Variants in RALGPS2 observed in about 807,000 individuals in gnomAD.
RALGPS2 encodes the protein ras-specific guanine nucleotide-releasing factor RalGPS2.
RALGPS2 carries 43 observed loss-of-function variants against 86.8 expected under a neutral mutation model. The ratio of observed to expected loss-of-function variants is 0.50; its 90% CI spans 0.39 to 0.64. The LOEUF (loss-of-function observed/expected upper bound fraction) is 0.64. Ranked by LOEUF, RALGPS2 falls within the 30% of genes least tolerant of loss-of-function variation. The probability of loss-of-function intolerance (pLI) is 0.00; values close to 1 mark genes in which losing one functional copy is unlikely to be tolerated. For synonymous variants in RALGPS2, 243 were observed against 231.3 expected (o/e 1.05, Z -0.46); for missense variants, 536 against 694.6 (o/e 0.77, Z 2.57).
intron 19 of RALGPS2, among the ~76,000 whole-genome samples, chr1:178,915,887 A>C (rs1274732619): frequency 1.3e-5 from 2 of 152,210 alleles, no homozygotes; most frequent in African/African-American, 4.8e-5. Context: ...ATTCTTAGTA[A>C]TGTTTGTTAT....
Position 178,743,821 on chromosome 1 carries a change from C to G in RALGPS2, c.-84+18402C>G, listed in dbSNP as rs554105106. On this transcript the variant is annotated intron_variant, in intron 1 of 19. Coordinates refer to ENST00000367635, the MANE Select transcript of RALGPS2 (RefSeq NM_152663.5). Reference sequence around the variant, plus strand: ...GAAGAATATACAACCTGAAATAACCCTGTATCTGTTAAAGAAATTGAATTT... The same window carrying G: ...GAAGAATATACAACCTGAAATAACCGTGTATCTGTTAAAGAAATTGAATTT... Among the ~76,000 whole-genome samples the G allele has an allele frequency of 1.4e-4, 21 of 152,206 alleles. No homozygotes were observed. In the South Asian group the frequency reaches 4.4e-3, roughly 32 times the overall value.
At chr1:178,789,773 A>C (rs1010322517) in intron 4 of RALGPS2, among the ~76,000 whole-genome samples, 3 of 152,232 alleles carry the variant, frequency 2.0e-5, no homozygotes, top group Non-Finnish European at 2.9e-5. Context: ...TTTAAGCTAC[A>C]TGAGGGCAGA....
intron 8 of RALGPS2, among the ~76,000 whole-genome samples, chr1:178,874,500 G>A (rs527973319): frequency 2.6e-3 from 400 of 152,210 alleles, no homozygotes; most frequent in African/African-American, 9.0e-3. Context: ...GGCAAGAACT[G>A]GCACATTAGT....
intron 10 of RALGPS2, among the ~76,000 whole-genome samples, chr1:178,881,829 A>G (rs1290796571): frequency 6.6e-6 from 1 of 152,170 alleles, no homozygotes. Context: ...GCATTTTAAG[A>G]TGTCATTAAA....
chr1:178,854,828 T>C (rs1657421245), intron 8 of RALGPS2, among the ~76,000 whole-genome samples: 1 of 152,196 alleles, frequency 6.6e-6, no homozygotes, highest in African/African-American at 2.4e-5. Flanking sequence ...TCTTCAAATT[T>C]TACAAGTGAC....
intron 16 of RALGPS2, 77 bp from the exon 17 acceptor site, chr1:178,897,587 C>T (rs1403231813): frequency 4.2e-6 from 5 of 1,196,074 alleles, no homozygotes; most frequent in Non-Finnish European, 6.2e-6. Flanking sequence ...TGGACTTGAT[C>T]ATTGGCACTT....
intron 18 of RALGPS2, among the ~76,000 whole-genome samples, chr1:178,905,367 C>CTA (rs149581133): frequency 0.052 from 7,946 of 152,154 alleles, 721 homozygotes; most frequent in African/African-American, 0.18. Context: ...TGAAGTCTAT[C>CTA]TATACTAATG....
chr1:178,804,045 A>G (rs1405315049), intron 4 of RALGPS2, among the ~76,000 whole-genome samples: 2 of 149,956 alleles, frequency 1.3e-5, no homozygotes, highest in African/African-American at 2.4e-5. Flanking sequence ...TGTTTCCTCA[A>G]TCTTCCCCTG....
intron 10 of RALGPS2, among the ~76,000 whole-genome samples, chr1:178,883,060 C>T (rs752772640): frequency 2.6e-5 from 4 of 152,254 alleles, no homozygotes; most frequent in Non-Finnish European, 5.9e-5. Context: ...GGTTTGGCAA[C>T]TTTGGGGTAA....
At chr1:178,856,190 C>CAGAGAGAGAGAGAGAG (rs139246466) in intron 8 of RALGPS2, among the ~76,000 whole-genome samples, 3 of 69,122 alleles carry the variant, frequency 4.3e-5, no homozygotes, top group African/African-American at 1.6e-4. Flanking sequence ...TGTACTTTTC[C>CAGAGAGAGAGAGAGAG]AGAGAGAGAG....
intron 13 of RALGPS2, among the ~76,000 whole-genome samples, chr1:178,887,464 AAG>A (rs1659539892): frequency 1.3e-5 from 2 of 152,228 alleles, no homozygotes; most frequent in Admixed American, 6.5e-5. Flanking sequence ...CAAAAAAAGA[AAG>A]AAATTGTTCA....
chr1:178,856,411 T>TGTTTTG (rs1415518537), intron 8 of RALGPS2, among the ~76,000 whole-genome samples: 1 of 111,240 alleles, frequency 9.0e-6, no homozygotes, highest in African/African-American at 3.9e-5. Context: ...TTTTTTTTTT[T>TGTTTTG]TTTTTTTTTT....
At chr1:178,768,694 G>T (rs1163235011) in intron 1 of RALGPS2, among the ~76,000 whole-genome samples, 1 of 152,156 alleles carries the variant, frequency 6.6e-6, no homozygotes, top group East Asian at 1.9e-4. Context: ...TGGAAGGTGG[G>T]CAGGGCTGGA....
chr1:178,866,289 G>A (rs1290142528), intron 8 of RALGPS2, among the ~76,000 whole-genome samples: 1 of 152,132 alleles, frequency 6.6e-6, no homozygotes, highest in Non-Finnish European at 1.5e-5. Flanking sequence ...TTCATACCAT[G>A]CAATTCCAAT....
chr1:178,821,254 G>A (rs1169553491), intron 6 of RALGPS2, among the ~76,000 whole-genome samples: 2 of 152,186 alleles, frequency 1.3e-5, no homozygotes, highest in Non-Finnish European at 2.9e-5. Flanking sequence ...GAAACATAAA[G>A]CAGAGGCTTA....
chr1:178,821,792 T>A, intron 7 of RALGPS2, 88 bp downstream of exon 7: 1 of 1,012,824 alleles, frequency 9.9e-7, no homozygotes. Flanking sequence ...TTATTAAAGT[T>A]AATATAATGA....
intron 8 of RALGPS2, among the ~76,000 whole-genome samples, chr1:178,848,339 A>G (rs1348464193): frequency 6.6e-6 from 1 of 152,060 alleles, no homozygotes; most frequent in African/African-American, 2.4e-5. Flanking sequence ...AATTAAGTAA[A>G]AGAATCCTTC....
At position 178,865,726 on chromosome 1, in the gene RALGPS2, G is replaced by A. The variant is rs1337604225; in HGVS notation, c.608-11772G>A. ...ATTGTCCACCTCTGCAATGTCCAGT[G>A]TCCACTAGTAGGAAGAATAGCACAC... is the stretch of plus-strand genomic sequence containing the variant. On this transcript the variant is annotated intron_variant, in intron 8 of 19. Coordinates refer to ENST00000367635, the MANE Select transcript of RALGPS2 (RefSeq NM_152663.5). 4 of 1,613,122 alleles carry A rather than the reference G, an allele frequency of 2.5e-6. No homozygotes were observed. In the Admixed American group the frequency reaches 6.7e-5, roughly 27 times the overall value.
intron 1 of RALGPS2, among the ~76,000 whole-genome samples, chr1:178,770,616 A>G (rs976156925): frequency 1.3e-5 from 2 of 148,832 alleles, no homozygotes; most frequent in Admixed American, 6.7e-5. Context: ...AGCTGGTACA[A>G]TAGGCACCCA....
Sources: gnomAD v4.1 joint callset for allele counts (sites outside exome capture counted in the v4.1 genomes callset) on GRCh38, gnomAD v4.1.1 for gene constraint, MANE v1.5 for transcripts, NCBI Gene and HGNC (gene_info 2026-07-23, HGNC 2026-07-21) for gene names.